Variants in DNAJC21 observed in about 807,000 individuals in gnomAD.
DNAJC21 encodes DnaJ heat shock protein family (Hsp40) member C21, also known as dnaJ homolog subfamily C member 21.
DNAJC21 carries 63 observed loss-of-function variants against 72.4 expected under a neutral mutation model. That is an observed-to-expected ratio of 0.87 (90% CI 0.71 to 1.07). The LOEUF is 1.07. DNAJC21 is among the 50% of genes least tolerant of loss of function. The probability of loss-of-function intolerance (pLI) is 0.00; values close to 1 mark genes in which losing one functional copy is unlikely to be tolerated. For missense variants in DNAJC21, 634 were observed against 644.8 expected, an observed-to-expected ratio of 0.98 and a Z score of 0.18; for synonymous variants, 203 against 216.7, an observed-to-expected ratio of 0.94 and a Z score of 0.56.
chr5:34,937,030 C>T (rs951745231), intron 4 of DNAJC21, among the ~76,000 whole-genome samples: 1 of 152,186 alleles, frequency 6.6e-6, no homozygotes, highest in African/African-American at 2.4e-5. Flanking sequence ...GGATTACAGG[C>T]GTGAGCCACC....
chr5:34,937,785 C>T (rs1764842047), intron 5 of DNAJC21, among the ~76,000 whole-genome samples, 155 bp downstream of exon 5: 1 of 152,010 alleles, frequency 6.6e-6, no homozygotes, highest in African/African-American at 2.4e-5. Flanking sequence ...AGTGTTTTTT[C>T]ATCTACTGTG....
In DNAJC21 at chr5:34,954,569, G is replaced by A; in HGVS notation, c.1451G>A (p.Cys484Tyr). 2 of 1,611,562 alleles carry A rather than the reference G, an allele frequency of 1.2e-6. No homozygotes were observed. Among genetic ancestry groups the A allele is most frequent in the Non-Finnish European group, 1.7e-6 (2 of 1,179,104 alleles). ...EPQTMSVLISCTTCHSEFPSR... is the reference protein window; with the variant it reads ...EPQTMSVLISYTTCHSEFPSR... ...CCTTCTCAGAGTGTTCTTATCAGCT[G>A]TACAACCTGCCATAGTGAATTTCCA... The change falls in exon 12 of 12, where the codon TGT becomes TAT. Residue 484 changes from cysteine (C) to tyrosine (Y), a missense_variant. Transcript: ENST00000648817.
chr5:34,950,758 A>G lies in DNAJC21; in HGVS notation c.1358+416A>G, dbSNP rs549275856. 9 of 988,376 alleles carry G rather than the reference A, an allele frequency of 9.1e-6. No individual in the cohort carries two copies. The East Asian group carries it at 8.9e-4, about 98-fold the overall frequency. 61.2% of individuals were successfully genotyped at this position (988,376 alleles called of 1,614,324 possible). On this transcript the variant is annotated intron_variant, in intron 10 of 11. Transcript: ENST00000648817. ...TTGGGCCCCACCATGTTGTGAGGAC[A>G]CATGGCAGCAGCTGGGGCCCTTCCT...
At chr5:34,943,129 A>T (rs1765053996) in intron 7 of DNAJC21, among the ~76,000 whole-genome samples, 1 of 152,200 alleles carries the variant, frequency 6.6e-6, no homozygotes, top group African/African-American at 2.4e-5. Context: ...GACCAAATAA[A>T]AGAAATTATT....
chr5:34,935,587 T>C, intron 2 of DNAJC21, 123 bp from the exon 3 acceptor site: 2 of 1,089,730 alleles, frequency 1.8e-6, no homozygotes, highest in Non-Finnish European at 2.6e-6. Flanking sequence ...TAAAAATTTT[T>C]GGTTATGGAT....
chr5:34,951,940 A>T, intron 10 of DNAJC21: 1 of 985,496 alleles, frequency 1.0e-6, no homozygotes, highest in Non-Finnish European at 1.2e-6. Context: ...GGATTCAGAG[A>T]ATTCAAGTGA....
At position 34,935,736 on chromosome 5, in the gene DNAJC21, T is replaced by TATGA; in HGVS notation, c.218_219insATGA (p.Lys74Ter). The TATGA allele has an allele frequency of 6.2e-7, 1 of 1,614,038 alleles. No homozygotes were observed. On this transcript the variant is annotated stop_gained and frameshift_variant, in exon 3 of 12. Transcript: ENST00000648817. LOFTEE classifies it high-confidence loss of function. Reference sequence around the variant, plus strand: ...TATGATAATCATAGAGAGGCCCTACTTAAAGGTGGGTTTGATGGCGAATAT... The same window carrying TATGA: ...TATGATAATCATAGAGAGGCCCTACTATGATAAAGGTGGGTTTGATGGCGAATAT...
In DNAJC21 at chr5:34,950,356, G is replaced by A; in HGVS notation, c.1358+14G>A. On this transcript the variant is annotated intron_variant, in intron 10 of 11. Transcript: ENST00000648817. Reference sequence around the variant, plus strand: ...TGAAGCTAAAAGGTAAGTCAAAGTTGCATATTATTTGTAAATTACTGAATA... The same window carrying A: ...TGAAGCTAAAAGGTAAGTCAAAGTTACATATTATTTGTAAATTACTGAATA... The A allele has an allele frequency of 3.7e-6, 6 of 1,601,912 alleles. No homozygotes were observed. Among genetic ancestry groups the A allele is most frequent in the Non-Finnish European group, 5.1e-6 (6 of 1,175,158 alleles).
intron 1 of DNAJC21, among the ~76,000 whole-genome samples, chr5:34,932,413 C>T (rs1285816438): frequency 6.8e-6 from 1 of 145,996 alleles, no homozygotes; most frequent in African/African-American, 2.5e-5. Flanking sequence ...GAGCGAGACT[C>T]CATCTCAAAA....
chr5:34,957,296 A>C lies in DNAJC21; in HGVS notation c.*2582A>C, dbSNP rs1431346538. On this transcript the variant is annotated 3_prime_UTR_variant, in exon 12 of 12. Transcript: ENST00000648817. ...TAGCTCAGATGTGGAGATTCATAGAATGAGGGTCCAGGAGAAGAAAGTTAG... is the reference window on the plus strand; with the variant it reads ...TAGCTCAGATGTGGAGATTCATAGACTGAGGGTCCAGGAGAAGAAAGTTAG... 2.0e-5 allele frequency: 3 copies of C among 152,230 alleles called. No individual in the cohort carries two copies. Among genetic ancestry groups the C allele is most frequent in the Non-Finnish European group, 4.4e-5 (3 of 68,050 alleles). 9.4% of individuals were successfully genotyped at this position (152,230 alleles called of 1,614,324 possible).
chr5:34,937,243 G>T, intron 4 of DNAJC21, 83 bp from the exon 5 acceptor site: 1 of 1,383,584 alleles, frequency 7.2e-7, no homozygotes. Flanking sequence ...AAAGGTAAAA[G>T]ATGTTTCGCA....
chr5:34,930,692 A>G (rs1764561294), intron 1 of DNAJC21, among the ~76,000 whole-genome samples: 1 of 152,194 alleles, frequency 6.6e-6, no homozygotes, highest in Admixed American at 6.5e-5. Context: ...TGAGGTTCAT[A>G]TGAAGAGGCT....
At chr5:34,941,336 T>G (rs1324404243) in intron 7 of DNAJC21, among the ~76,000 whole-genome samples, 153 bp downstream of exon 7, 1 of 152,104 alleles carries the variant, frequency 6.6e-6, no homozygotes, top group Non-Finnish European at 1.5e-5. Flanking sequence ...TAGCTAGGGC[T>G]ACAGGAACCT....
intron 1 of DNAJC21, among the ~76,000 whole-genome samples, chr5:34,933,595 G>A (rs766640166): frequency 6.6e-6 from 1 of 152,148 alleles, no homozygotes; most frequent in African/African-American, 2.4e-5. Context: ...ACTGTTTAGT[G>A]ATGTACCAAG....
intron 10 of DNAJC21, chr5:34,951,564 G>A (rs2112099452): frequency 3.1e-6 from 3 of 977,422 alleles, no homozygotes; most frequent in Admixed American, 6.6e-5. Flanking sequence ...GTCTCGCTCT[G>A]TTGCCCAGGC....
Position 34,937,329 on chromosome 5 carries a change from G to A in DNAJC21, c.442G>A (p.Val148Ile), listed in dbSNP as rs1308190104. Residue 148 changes from valine (V) to isoleucine (I), a missense_variant, in exon 5 of 12, where the codon GTC (valine) becomes ATC (isoleucine). Coordinates refer to ENST00000648817, the MANE Select transcript of DNAJC21 (RefSeq NM_001012339.3). ...GDSQSDYDTV[V>I]HPFYAYWQSF... Reference sequence around the variant, plus strand: ...AATCTGTTTTCTTTGTCACTAGGTAGTCCATCCTTTCTACGCTTATTGGCA... The same window carrying A: ...AATCTGTTTTCTTTGTCACTAGGTAATCCATCCTTTCTACGCTTATTGGCA... The A allele has an allele frequency of 6.8e-6, 11 of 1,607,070 alleles. No homozygotes were observed. Among genetic ancestry groups the A allele is most frequent in the African/African-American group, 1.3e-5 (1 of 74,352 alleles).
At chr5:34,952,218 A>G in intron 10 of DNAJC21, 4 of 985,116 alleles carry the variant, frequency 4.1e-6, no homozygotes, top group Non-Finnish European at 4.8e-6. Flanking sequence ...TCATAATATA[A>G]GTGATGTTTG....
At chr5:34,937,717 C>A in intron 5 of DNAJC21, 87 bp downstream of exon 5, 1 of 1,465,136 alleles carries the variant, frequency 6.8e-7, no homozygotes, top group Non-Finnish European at 9.2e-7. Flanking sequence ...ATGTTGGGTT[C>A]AGTCATCAGC....
chr5:34,939,746 C>T (rs984716128), intron 6 of DNAJC21, among the ~76,000 whole-genome samples: 2 of 151,534 alleles, frequency 1.3e-5, no homozygotes, highest in Non-Finnish European at 2.9e-5. Flanking sequence ...TTGCCGCTAT[C>T]ATTAGAGCAC....
Sources: gnomAD v4.1 joint callset for allele counts (sites outside exome capture counted in the v4.1 genomes callset) on GRCh38, gnomAD v4.1.1 for gene constraint, MANE v1.5 for transcripts, NCBI Gene and HGNC (gene_info 2026-07-23, HGNC 2026-07-21) for gene names.